The following PGBD2 variants were observed in gnomAD, a reference collection of about 807,000 sequenced individuals.
PGBD2 encodes the protein piggyBac transposable element-derived protein 2.
In PGBD2, 6 loss-of-function variants were observed where a neutral mutation model predicts 8.1. That is an observed-to-expected ratio of 0.74 (90% CI 0.40 to 1.46). The LOEUF is 1.46. Ranked by LOEUF, PGBD2 falls within the 40% of genes most tolerant of loss-of-function variation. The probability of loss-of-function intolerance (pLI) is 0.02; values close to 1 mark genes in which losing one functional copy is unlikely to be tolerated. For missense variants in PGBD2, 802 were observed against 739.0 expected (o/e 1.09, Z -0.99); for synonymous variants, 318 against 272.2 (o/e 1.17, Z -1.66).
chr1:248,930,006 G>C, the PGBD2 span, among the ~76,000 whole-genome samples: 2,489 of 152,278 alleles, frequency 0.016, 70 homozygotes, highest in African/African-American at 0.057. Context: ...TGGGAGATGT[G>C]GCTGCAGGCC....
At chr1:248,909,770 C>T (rs1451169225) in intron 1 of PGBD2, among the ~76,000 whole-genome samples, 1 of 152,120 alleles carries the variant, frequency 6.6e-6, no homozygotes, top group African/African-American at 2.4e-5. Flanking sequence ...AGGCACAGCA[C>T]ACAAGAAGAA....
the PGBD2 span, among the ~76,000 whole-genome samples, chr1:248,886,422 T>A: frequency 6.6e-6 from 1 of 152,224 alleles, no homozygotes; most frequent in African/African-American, 2.4e-5. Context: ...AGAGATTAAT[T>A]ACTTTCAGAG....
At chr1:248,873,818 A>C in the PGBD2 span, among the ~76,000 whole-genome samples, 1 of 152,228 alleles carries the variant, frequency 6.6e-6, no homozygotes, top group African/African-American at 2.4e-5. Flanking sequence ...AGCGGACACA[A>C]GTATGAGGCT....
At chr1:248,921,795 T>C (rs560417976), downstream of PGBD2, among the ~76,000 whole-genome samples, 10 of 152,356 alleles carry the variant, frequency 6.6e-5, no homozygotes, top group South Asian at 2.1e-3. Context: ...TTTGTTTGTG[T>C]CCTCTCTTAT....
rs776915021 is a variant in PGBD2, at chr1:248,918,287, C to CACAG, written c.1706_1709dup (p.Asn571AspfsTer6). 9.4e-6 allele frequency: 15 copies of CACAG among 1,603,442 alleles called. No homozygotes were observed. The South Asian group carries it at 1.7e-4, about 18-fold the overall frequency. The stretch of plus-strand genomic sequence containing the variant: ...AGGACCCGGTGTGCCCTCTGCCACT[C>CACAG]ACAGACCAACACCCGGTGTGAGAAG... On this transcript the variant is annotated frameshift_variant, in exon 3 of 3. Coordinates refer to ENST00000329291, the MANE Select transcript of PGBD2 (RefSeq NM_170725.3). LOFTEE classifies it high-confidence loss of function.
At chr1:248,886,190 G>A in the PGBD2 span, among the ~76,000 whole-genome samples, 55 of 152,184 alleles carry the variant, frequency 3.6e-4, no homozygotes, top group African/African-American at 1.3e-3. Flanking sequence ...TACATGCTAG[G>A]TTTTTTTCAG....
intron 1 of PGBD2, among the ~76,000 whole-genome samples, chr1:248,912,533 T>C (rs995632951): frequency 5.9e-5 from 9 of 152,204 alleles, no homozygotes; most frequent in Non-Finnish European, 1.3e-4. Context: ...TACTCTGCAC[T>C]TAAGTGCTCA....
chr1:248,905,913 C>G (rs1331617925), upstream of PGBD2, among the ~76,000 whole-genome samples: 4 of 152,176 alleles, frequency 2.6e-5, no homozygotes, highest in East Asian at 7.7e-4. Context: ...GCATTTCCAT[C>G]GATTTCCCAG....
Position 248,916,944 on chromosome 1 carries a change from C to T in PGBD2, c.360C>T (p.Asp120=), listed in dbSNP as rs773946400. 6.2e-7 allele frequency: 1 copy of T among 1,613,636 alleles called. No homozygotes were observed. The highest frequency in any genetic ancestry group is 2.2e-5 in the East Asian group (1 of 44,870). ...RIWTKRDIRP[D]FGSWTASDPH... Reference sequence around the variant, plus strand: ...GGACCAAAAGAGATATTCGTCCAGACTTTGGCAGTTGGACTGCATCAGATC... The same window carrying T: ...GGACCAAAAGAGATATTCGTCCAGATTTTGGCAGTTGGACTGCATCAGATC... The change falls in exon 3 of 3, where the codon GAC becomes GAT. Residue 120 remains aspartate, a synonymous_variant. Transcript: ENST00000329291.
the PGBD2 span, among the ~76,000 whole-genome samples, chr1:248,884,411 G>C: frequency 6.6e-6 from 1 of 151,980 alleles, no homozygotes; most frequent in Admixed American, 6.5e-5. Context: ...CGCGATCTCG[G>C]CTCATTGCAA....
chr1:248,895,687 TTTTTG>T, the PGBD2 span, among the ~76,000 whole-genome samples: 1 of 151,890 alleles, frequency 6.6e-6, no homozygotes, highest in Middle Eastern at 3.4e-3. Flanking sequence ...TGTATAGATT[TTTTTG>T]TTTTGTTTTG....
At chr1:248,907,978 A>C (rs1661721773) in intron 1 of PGBD2, among the ~76,000 whole-genome samples, 1 of 152,156 alleles carries the variant, frequency 6.6e-6, no homozygotes, top group Non-Finnish European at 1.5e-5. Context: ...TTTATCTTGA[A>C]TTAATTTCAG....
chr1:248,917,142 GATTTT>G lies in PGBD2; in HGVS notation c.560_564del (p.Ile187LysfsTer26). ...AATTGAAGTGTGTTTTGGGCATTTTGATTTTAAGTGGGTACATCTCTTATCCAAGG... is the reference window on the plus strand; with the variant it reads ...AATTGAAGTGTGTTTTGGGCATTTTGAAGTGGGTACATCTCTTATCCAAGG... On this transcript the variant is annotated frameshift_variant, in exon 3 of 3. Coordinates refer to ENST00000329291, the MANE Select transcript of PGBD2 (RefSeq NM_170725.3). LOFTEE classifies it low-confidence loss of function (END_TRUNC). The G allele has an allele frequency of 6.2e-7, 1 of 1,614,070 alleles. No individual in the cohort carries two copies. Among genetic ancestry groups the G allele is most frequent in the African/African-American group, 1.3e-5 (1 of 75,010 alleles).
intron 1 of PGBD2, among the ~76,000 whole-genome samples, chr1:248,910,487 A>G (rs1661833404): frequency 6.6e-6 from 1 of 152,218 alleles, no homozygotes; most frequent in Non-Finnish European, 1.5e-5. Context: ...GTGAAAGACA[A>G]GGGCACCAGG....
the PGBD2 span, among the ~76,000 whole-genome samples, chr1:248,885,435 T>C: frequency 6.6e-6 from 1 of 152,004 alleles, no homozygotes; most frequent in African/African-American, 2.4e-5. Context: ...GACCCCATGC[T>C]CAGCTAAAAA....
downstream of PGBD2, among the ~76,000 whole-genome samples, chr1:248,922,270 A>G (rs1180533323): frequency 6.6e-6 from 1 of 152,112 alleles, no homozygotes; most frequent in Non-Finnish European, 1.5e-5. Context: ...CGTGTTAGCC[A>G]GGATGGTCTG....
the PGBD2 span, among the ~76,000 whole-genome samples, chr1:248,896,938 C>A: frequency 6.6e-6 from 1 of 152,174 alleles, no homozygotes; most frequent in East Asian, 1.9e-4. Flanking sequence ...ACCCATAGAT[C>A]AGGATGTAAA....
the PGBD2 span, among the ~76,000 whole-genome samples, chr1:248,873,878 G>A: frequency 6.6e-6 from 1 of 152,242 alleles, no homozygotes; most frequent in African/African-American, 2.4e-5. Flanking sequence ...AGTGGTCTAA[G>A]GCGCCAGACT....
rs766081923 is a variant in PGBD2 at position 248,916,858 on chromosome 1, G to T, written c.274G>T (p.Asp92Tyr). The T allele has an allele frequency of 8.1e-6, 13 of 1,613,886 alleles. No individual in the cohort carries two copies. In the African/African-American group the frequency reaches 1.6e-4, roughly 20 times the overall value. Residue 92 changes from aspartate (D) to tyrosine (Y), a missense_variant, in exon 3 of 3, where the codon GAC (aspartate) becomes TAC (tyrosine). Asp to Tyr is a radical substitution (Grantham distance 160). Coordinates refer to ENST00000329291, the MANE Select transcript of PGBD2 (RefSeq NM_170725.3). ...CTCTGGCACCGGGGAGGATAATGACGACCTGGAGCTGCAGCCAGCCAAGAA... is the reference window on the plus strand; with the variant it reads ...CTCTGGCACCGGGGAGGATAATGACTACCTGGAGCTGCAGCCAGCCAAGAA... ...EDSGTGEDND[D>Y]LELQPAKKRQ...
Sources: gnomAD v4.1 joint callset for allele counts (sites outside exome capture counted in the v4.1 genomes callset) on GRCh38, gnomAD v4.1.1 for gene constraint, MANE v1.5 for transcripts, NCBI Gene and HGNC (gene_info 2026-07-23, HGNC 2026-07-21) for gene names.